FANCI: variants seen among roughly 807,000 people sequenced by gnomAD.
FANCI encodes the protein FA complementation group I, also known as Fanconi anemia group I protein.
FANCI carries 156 observed loss-of-function variants against 176.1 expected under a neutral mutation model. That is an observed-to-expected ratio of 0.89 (90% CI 0.78 to 1.01). The LOEUF (loss-of-function observed/expected upper bound fraction) is 1.01. FANCI is among the 50% of genes least tolerant of loss of function. FANCI has a pLI of 0.00. For synonymous variants in FANCI, 613 were observed against 541.7 expected (o/e 1.13, Z -1.83); for missense variants, 1,678 against 1,534.1 (o/e 1.09, Z -1.57).
At chr15:89,291,760 A>G (rs745570662) in intron 20 of FANCI, 46 bp downstream of exon 20, 1 of 1,489,300 alleles carries the variant, frequency 6.7e-7, no homozygotes, top group South Asian at 1.1e-5. Flanking sequence ...AGTATTAAGG[A>G]TAGGGTTGAA....
rs1468958617 is a variant in FANCI at position 89,260,620 on chromosome 15, T to C, written c.158-93T>C. The C allele has an allele frequency of 1.4e-5, 21 of 1,510,794 alleles. 1 individual carries two copies. Among genetic ancestry groups the C allele is most frequent in the Non-Finnish European group, 1.7e-5 (19 of 1,092,832 alleles). 93.6% of individuals were successfully genotyped at this position (1,510,794 alleles called of 1,614,324 possible). The stretch of plus-strand genomic sequence containing the variant: ...GTAATCAGTCGTTTGATAATTCTGT[T>C]TTTTTGTATTTAACTACAAACCTGT... On this transcript the variant is annotated intron_variant, in intron 3 of 37. Coordinates refer to ENST00000310775, the MANE Select transcript of FANCI (RefSeq NM_001113378.2).
chr15:89,281,916 C>T, intron 16 of FANCI, 81 bp downstream of exon 16: 1 of 1,244,020 alleles, frequency 8.0e-7, no homozygotes, highest in East Asian at 2.3e-5. Flanking sequence ...TCTCCTAGTA[C>T]CACCTGTTCA....
chr15:89,301,431 T>G lies in FANCI; in HGVS notation c.2995T>G (p.Ser999Ala). The G allele has an allele frequency of 1.2e-6, 2 of 1,611,534 alleles. No homozygotes were observed. Among genetic ancestry groups the G allele is most frequent in the Non-Finnish European group, 8.5e-7 (1 of 1,177,598 alleles). Residue 999 changes from serine (S) to alanine (A), a missense_variant, in exon 27 of 38, where the codon TCC becomes GCC. Ser to Ala is a moderately conservative substitution (Grantham distance 99, BLOSUM62 1). Transcript: ENST00000310775. The part of the protein sequence containing the change: ...LTSLSKLLEP[S>A]SPQFVQMLSW... ...CAGTTTGTCCAAGTTACTGGAGCCC[T>G]CCTCTCCTCAGGTACTAGTACCGCT...
At chr15:89,281,498 C>T (rs148039999) in intron 15 of FANCI, among the ~76,000 whole-genome samples, 198 bp downstream of exon 15, 1 of 152,292 alleles carries the variant, frequency 6.6e-6, no homozygotes, top group African/African-American at 2.4e-5. Context: ...TAACACTATT[C>T]TCTCAACTCA....
chr15:89,244,541 C>G (rs1420084446), intron 1 of FANCI, among the ~76,000 whole-genome samples: 1 of 152,210 alleles, frequency 6.6e-6, no homozygotes, highest in Admixed American at 6.6e-5. Context: ...TCACAGCCAC[C>G]CGCCTCTGGT....
intron 2 of FANCI, among the ~76,000 whole-genome samples, chr15:89,254,985 T>A (rs1197243678): frequency 6.6e-6 from 1 of 152,218 alleles, no homozygotes; most frequent in Non-Finnish European, 1.5e-5. Context: ...ACGATACAAT[T>A]AATGAAGCTA....
intron 1 of FANCI, chr15:89,245,812 A>C (rs1270797123): frequency 6.6e-6 from 1 of 152,284 alleles, no homozygotes; most frequent in East Asian, 1.9e-4. Flanking sequence ...TGAGGATGGC[A>C]TGGAGGGAAG....
At chr15:89,292,633 T>C (rs2054111609) in intron 20 of FANCI, 55 bp from the exon 21 acceptor site, 4 of 1,540,864 alleles carry the variant, frequency 2.6e-6, no homozygotes, top group Admixed American at 3.3e-5. Flanking sequence ...TGAACAACTT[T>C]ATAAGTTATC....
chr15:89,309,128 C>T (rs1009255353), intron 34 of FANCI, among the ~76,000 whole-genome samples: 1 of 152,158 alleles, frequency 6.6e-6, no homozygotes, highest in Non-Finnish European at 1.5e-5. Context: ...CAGTAGTCAA[C>T]TGTCATAAAG....
chr15:89,259,023 T>C (rs1289023894), intron 3 of FANCI: 4 of 466,534 alleles, frequency 8.6e-6, no homozygotes, highest in Non-Finnish European at 1.2e-5. Context: ...AATGTGCTTT[T>C]CGTAAAATCT....
chr15:89,268,370 A>C, intron 9 of FANCI, 29 bp from the exon 10 acceptor site: 1 of 1,613,624 alleles, frequency 6.2e-7, no homozygotes, highest in Middle Eastern at 1.6e-4. Flanking sequence ...TGCACCTTAT[A>C]GCTCATAACT....
At chr15:89,279,281 C>G (rs918907317) in intron 14 of FANCI, among the ~76,000 whole-genome samples, 9 of 152,178 alleles carry the variant, frequency 5.9e-5, no homozygotes, top group African/African-American at 2.2e-4. Context: ...TCTCAGCCTC[C>G]TCAGTAGCTG....
chr15:89,269,372 C>T (rs1020549262), intron 10 of FANCI, among the ~76,000 whole-genome samples: 2 of 152,080 alleles, frequency 1.3e-5, no homozygotes, highest in Non-Finnish European at 2.9e-5. Context: ...CACATTTTCA[C>T]AGTTGTCTCT....
In FANCI at chr15:89,269,477, T is replaced by G. The variant is rs142228883; in HGVS notation, c.882+952T>G. On this transcript the variant is annotated intron_variant, in intron 10 of 37. Coordinates refer to ENST00000310775, the MANE Select transcript of FANCI (RefSeq NM_001113378.2). ...TTTGGTTGTTCTTTCTTTCTAGTTT[T>G]AGACTGATTTTTTTGAAGCATCAGC... is the stretch of plus-strand genomic sequence containing the variant. 2.7e-3 allele frequency among the ~76,000 whole-genome samples: 410 copies of G among 152,328 alleles called. 8 individuals are homozygous for G. The highest frequency in any genetic ancestry group is 0.015 in the East Asian group (77 of 5,186).
chr15:89,300,966 C>T (rs918182043), intron 26 of FANCI, among the ~76,000 whole-genome samples: 4 of 152,268 alleles, frequency 2.6e-5, no homozygotes, highest in African/African-American at 9.6e-5. Context: ...TTTCAGGTAA[C>T]AGGGAAGGTA....
chr15:89,251,379 T>G (rs1045764762), intron 2 of FANCI, among the ~76,000 whole-genome samples: 2 of 152,226 alleles, frequency 1.3e-5, no homozygotes, highest in Non-Finnish European at 2.9e-5. Flanking sequence ...TGTCAAACCT[T>G]TAGAGATCAG....
intron 18 of FANCI, among the ~76,000 whole-genome samples, chr15:89,286,871 T>C (rs1283510795): frequency 1.3e-5 from 2 of 152,266 alleles, no homozygotes; most frequent in East Asian, 1.9e-4. Context: ...TTCATCTACA[T>C]TGAAAATCTG....
At chr15:89,279,400 C>T in intron 14 of FANCI, among the ~76,000 whole-genome samples, 1 of 152,190 alleles carries the variant, frequency 6.6e-6, no homozygotes, top group Non-Finnish European at 1.5e-5. Flanking sequence ...TCAGGTGATC[C>T]ACCCACCTTA....
chr15:89,249,491 G>C (rs1392151085), intron 2 of FANCI, among the ~76,000 whole-genome samples: 1 of 152,122 alleles, frequency 6.6e-6, no homozygotes, highest in African/African-American at 2.4e-5. Context: ...GGGAGTACAA[G>C]CATGTGCCAC....
Sources: allele counts gnomAD v4.1 joint callset (sites outside exome capture counted in the v4.1 genomes callset), GRCh38; gene constraint gnomAD v4.1.1; transcripts MANE v1.5; gene names NCBI Gene and HGNC (gene_info 2026-07-23, HGNC 2026-07-21).